The following FSTL5 variants were observed in gnomAD, a reference collection of about 807,000 sequenced individuals.
FSTL5 encodes the protein follistatin like 5.
In FSTL5, 62 loss-of-function variants were observed where a neutral mutation model predicts 89.1. The observed-to-expected ratio is 0.70, with a 90% CI of 0.57 to 0.86. The LOEUF (loss-of-function observed/expected upper bound fraction) is 0.86. Ranked by LOEUF, FSTL5 falls within the 40% of genes least tolerant of loss-of-function variation. The pLI is 0.00. For missense variants in FSTL5, 1,057 were observed against 1,001.6 expected (o/e 1.06, Z -0.75); for synonymous variants, 383 against 346.2 (o/e 1.11, Z -1.18).
intron 6 of FSTL5, among the ~76,000 whole-genome samples, chr4:161,746,751 C>A (rs766878419): frequency 9.2e-5 from 14 of 152,100 alleles, no homozygotes; most frequent in Non-Finnish European, 1.8e-4. Flanking sequence ...CTTGCCTATA[C>A]CTACATGAAT....
intron 4 of FSTL5, among the ~76,000 whole-genome samples, chr4:161,856,771 A>G (rs548199962): frequency 4.6e-5 from 7 of 152,222 alleles, no homozygotes; most frequent in African/African-American, 9.6e-5. Context: ...AAAACCAAGA[A>G]GTCAGACAGT....
At chr4:161,818,444 G>A (rs1412328796) in intron 4 of FSTL5, among the ~76,000 whole-genome samples, 1 of 152,154 alleles carries the variant, frequency 6.6e-6, no homozygotes, top group Non-Finnish European at 1.5e-5. Flanking sequence ...TAATTCAGCT[G>A]GTCAACACAA....
At chr4:161,642,335 AC>A (rs1735993179) in intron 7 of FSTL5, among the ~76,000 whole-genome samples, 1 of 152,186 alleles carries the variant, frequency 6.6e-6, no homozygotes, top group African/African-American at 2.4e-5. Context: ...AAAATTTTGT[AC>A]CCCTTTACTA....
intron 6 of FSTL5, among the ~76,000 whole-genome samples, chr4:161,704,374 C>T (rs1173289579): frequency 6.6e-6 from 1 of 152,098 alleles, no homozygotes; most frequent in Non-Finnish European, 1.5e-5. Flanking sequence ...GGCACACATC[C>T]TCAGGACCTC....
intron 2 of FSTL5, among the ~76,000 whole-genome samples, chr4:162,073,191 A>G (rs931020705): frequency 1.3e-5 from 2 of 151,700 alleles, no homozygotes; most frequent in Non-Finnish European, 2.9e-5. Flanking sequence ...ACATCCCATT[A>G]TCTTATTATA....
intron 1 of FSTL5, among the ~76,000 whole-genome samples, chr4:162,131,385 A>G (rs1183090858): frequency 2.6e-5 from 4 of 152,224 alleles, no homozygotes; most frequent in South Asian, 2.1e-4. Flanking sequence ...TTGTGGGTAT[A>G]AAAATATCAA....
chr4:161,910,578 C>T (rs746526692), intron 4 of FSTL5, among the ~76,000 whole-genome samples: 25 of 152,092 alleles, frequency 1.6e-4, no homozygotes, highest in Non-Finnish European at 3.2e-4. Flanking sequence ...TAGCTAGTTT[C>T]TTTAATTACA....
At chr4:161,911,057 T>C (rs1733676909) in intron 4 of FSTL5, among the ~76,000 whole-genome samples, 1 of 152,128 alleles carries the variant, frequency 6.6e-6, no homozygotes, top group African/African-American at 2.4e-5. Context: ...TGGAAAAGAA[T>C]CTTTGGAAAT....
chr4:161,957,120 T>A (rs1447337968), intron 3 of FSTL5, among the ~76,000 whole-genome samples: 1 of 151,950 alleles, frequency 6.6e-6, no homozygotes, highest in Admixed American at 6.6e-5. Flanking sequence ...GATATAAAGA[T>A]CCTTGGGCTA....
chr4:161,487,041 T>G (rs1560919273), intron 12 of FSTL5, among the ~76,000 whole-genome samples: 1 of 152,182 alleles, frequency 6.6e-6, no homozygotes, highest in Non-Finnish European at 1.5e-5. Context: ...CATTCCTAAC[T>G]TTGAGGTGTT....
At chr4:161,942,450 G>T (rs1444001683) in intron 3 of FSTL5, among the ~76,000 whole-genome samples, 6 of 151,938 alleles carry the variant, frequency 3.9e-5, no homozygotes, top group Non-Finnish European at 8.8e-5. Context: ...GGGATCATTA[G>T]TATAATCTTA....
chr4:161,888,510 A>C (rs1732885409), intron 4 of FSTL5, among the ~76,000 whole-genome samples: 2 of 152,168 alleles, frequency 1.3e-5, no homozygotes, highest in African/African-American at 4.8e-5. Context: ...TGACTAATAA[A>C]CTTGCATTGG....
At chr4:161,386,571 G>A (rs1730655429) in intron 15 of FSTL5, 122 bp from the exon 16 acceptor site, 2 of 650,142 alleles carry the variant, frequency 3.1e-6, no homozygotes, top group Non-Finnish European at 5.3e-6. Flanking sequence ...GCAGCAATTT[G>A]TGTTACAATT....
intron 3 of FSTL5, among the ~76,000 whole-genome samples, chr4:161,935,485 A>T (rs1482531678): frequency 6.6e-6 from 1 of 152,202 alleles, no homozygotes; most frequent in Non-Finnish European, 1.5e-5. Flanking sequence ...GTTAGTGTTA[A>T]TTGAATGCAC....
At chr4:161,723,595 T>C (rs955563318) in intron 6 of FSTL5, among the ~76,000 whole-genome samples, 1 of 152,154 alleles carries the variant, frequency 6.6e-6, no homozygotes, top group African/African-American at 2.4e-5. Flanking sequence ...GAATATTAAA[T>C]GTGCATTGCA....
Position 161,388,671 on chromosome 4 carries a change from T to C in FSTL5, c.1842-2222A>G, listed in dbSNP as rs550164386. Among the ~76,000 whole-genome samples the C allele has an allele frequency of 3.3e-5, 5 of 152,236 alleles. No individual in the cohort carries two copies. In the East Asian group the frequency reaches 9.7e-4, roughly 29 times the overall value. On this transcript the variant is annotated intron_variant, in intron 15 of 15. Coordinates refer to ENST00000306100, the MANE Select transcript of FSTL5 (RefSeq NM_020116.5). Reference sequence around the variant, plus strand: ...TATGTTGAAAAATATCCTTCTGTTATAATTTGTACATGAGCTCAGAGGAAA... The same window carrying C: ...TATGTTGAAAAATATCCTTCTGTTACAATTTGTACATGAGCTCAGAGGAAA...
At chr4:161,690,724 G>T (rs1283659697) in intron 6 of FSTL5, among the ~76,000 whole-genome samples, 1 of 152,048 alleles carries the variant, frequency 6.6e-6, no homozygotes, top group African/African-American at 2.4e-5. Context: ...TGTCATGGGG[G>T]TTTGTTGTAC....
intron 12 of FSTL5, among the ~76,000 whole-genome samples, chr4:161,483,837 T>C (rs1729595963): frequency 1.3e-5 from 2 of 152,104 alleles, no homozygotes; most frequent in South Asian, 4.1e-4. Flanking sequence ...CAAAGAGTAT[T>C]ATTAAATCGC....
chr4:161,502,519 A>G lies in FSTL5; in HGVS notation c.1340-2385T>C, dbSNP rs142455615. ...TAGTGCTTATGAAACAGTAATGCCA[A>G]CAAATTACTAAATACAACTAGATTA... On this transcript the variant is annotated intron_variant, in intron 11 of 15. Transcript: ENST00000306100. 3.6e-4 allele frequency among the ~76,000 whole-genome samples: 55 copies of G among 152,038 alleles called. 1 individual carries two copies. The East Asian group carries it at 8.5e-3, about 23-fold the overall frequency.
Sources: gnomAD v4.1 joint callset for allele counts (sites outside exome capture counted in the v4.1 genomes callset) on GRCh38, gnomAD v4.1.1 for gene constraint, MANE v1.5 for transcripts, NCBI Gene and HGNC (gene_info 2026-07-23, HGNC 2026-07-21) for gene names.